Variants in CDKL3 observed in about 807,000 individuals in gnomAD.
The protein encoded by CDKL3 is cyclin dependent kinase like 3.
Under a neutral mutation model 69.3 loss-of-function variants are expected in CDKL3, and 65 were observed. The observed-to-expected ratio is 0.94, with a 90% CI of 0.77 to 1.15. The LOEUF is 1.15. CDKL3 is among the 50% of genes most tolerant of loss of function. The pLI is 0.00. For missense variants in CDKL3, 652 were observed against 689.2 expected (o/e 0.95, Z 0.61); for synonymous variants, 202 against 221.6 (o/e 0.91, Z 0.79).
intron 4 of CDKL3, among the ~76,000 whole-genome samples, chr5:134,339,611 T>C (rs1749950718): frequency 6.6e-6 from 1 of 152,180 alleles, no homozygotes; most frequent in Non-Finnish European, 1.5e-5. Flanking sequence ...CAATAGAATA[T>C]ACATTTATAT....
downstream of CDKL3, among the ~76,000 whole-genome samples, chr5:134,297,861 A>AT: frequency 1.4e-5 from 2 of 146,638 alleles, no homozygotes; most frequent in African/African-American, 5.1e-5. Context: ...GATTACAGGC[A>AT]TGAGCCACTG....
rs561973158 is a variant in CDKL3 at position 134,344,391 on chromosome 5, A to C, written c.539+5858T>G. Among the ~76,000 whole-genome samples the C allele has an allele frequency of 7.2e-5, 11 of 152,354 alleles. No homozygotes were observed. In the South Asian group the frequency reaches 2.3e-3, roughly 32 times the overall value. On this transcript the variant is annotated intron_variant, in intron 4 of 12. Coordinates refer to ENST00000265334, the MANE Select transcript of CDKL3 (RefSeq NM_001113575.2). ...ATGGAAGAACATACTTGTAAATCAC[A>C]TATCTGATAAGGAATTTGTATCTAG... is the stretch of plus-strand genomic sequence containing the variant.
chr5:134,359,888 A>G lies in CDKL3; in HGVS notation c.360+9T>C, dbSNP rs188211099. ...CATCCTACAAATTGGCTTATTCTGA[A>G]GCACTTACATTATTACTGTGAAGAT... On this transcript the variant is annotated intron_variant, in intron 3 of 12. Transcript: ENST00000265334. 6.0e-5 allele frequency: 93 copies of G among 1,556,520 alleles called. No homozygotes were observed. The African/African-American group carries it at 1.2e-3, about 19-fold the overall frequency.
intron 2 of CDKL3, among the ~76,000 whole-genome samples, chr5:134,364,225 C>T (rs1274160620): frequency 2.0e-5 from 3 of 152,036 alleles, no homozygotes; most frequent in Non-Finnish European, 2.9e-5. Context: ...GTTAATGCTC[C>T]TTTCTCCACA....
intron 2 of CDKL3, among the ~76,000 whole-genome samples, chr5:134,361,221 T>G (rs1301685429): frequency 1.3e-5 from 2 of 152,118 alleles, no homozygotes; most frequent in African/African-American, 4.8e-5. Context: ...ATCAAGAATA[T>G]GTGTTCAATT....
At chr5:134,301,436 T>C (rs1766297268) in intron 12 of CDKL3, among the ~76,000 whole-genome samples, 1 of 152,200 alleles carries the variant, frequency 6.6e-6, no homozygotes, top group Non-Finnish European at 1.5e-5. Context: ...TAACCCTCTA[T>C]CCAAATATTA....
chr5:134,358,000 G>A lies in CDKL3; in HGVS notation c.360+1897C>T, dbSNP rs564449317. ...AGGCTGAGGCAGGAGGATCACTTGA[G>A]CCCAGAAGTTGGAGGCTGCAGTGAG... On this transcript the variant is annotated intron_variant, in intron 3 of 12. Transcript: ENST00000265334. Among the ~76,000 whole-genome samples, 3 of 152,298 alleles carry A rather than the reference G, an allele frequency of 2.0e-5. No homozygotes were observed. In the South Asian group the frequency reaches 6.2e-4, roughly 32 times the overall value.
At chr5:134,306,739 C>T (rs752446499) in intron 9 of CDKL3, 37 bp from the exon 10 acceptor site, 1 of 1,005,544 alleles carries the variant, frequency 9.9e-7, no homozygotes, top group Non-Finnish European at 1.5e-6. Flanking sequence ...TACTAAAACT[C>T]CCCAGAAATG....
At position 134,349,645 on chromosome 5, in the gene CDKL3, G is replaced by C. The variant is rs570524999; in HGVS notation, c.539+604C>G. ...GAAGAGGGAACTCTGCCGAGGGCAT[G>C]GCACAGCTTAAAGCAAATATAGATA... On this transcript the variant is annotated intron_variant, in intron 4 of 12. Coordinates refer to ENST00000265334, the MANE Select transcript of CDKL3 (RefSeq NM_001113575.2). Among the ~76,000 whole-genome samples, 5 of 152,334 alleles carry C rather than the reference G, an allele frequency of 3.3e-5. No homozygotes were observed. The South Asian group carries it at 1.0e-3, about 32-fold the overall frequency.
At chr5:134,320,589 A>G (rs1006413075) in intron 5 of CDKL3, among the ~76,000 whole-genome samples, 2 of 151,816 alleles carry the variant, frequency 1.3e-5, no homozygotes, top group Non-Finnish European at 2.9e-5. Context: ...AAAAAATTAA[A>G]ATTTAGCCGG....
chr5:134,355,235 G>GAAAAA (rs60153337), intron 3 of CDKL3, among the ~76,000 whole-genome samples: 1 of 74,460 alleles, frequency 1.3e-5, no homozygotes, highest in Admixed American at 1.5e-4. Context: ...TCTGTCTCAG[G>GAAAAA]AAAAAAAAAA....
intron 6 of CDKL3, among the ~76,000 whole-genome samples, chr5:134,315,178 T>C (rs377469613): frequency 6.6e-6 from 1 of 151,962 alleles, no homozygotes; most frequent in Admixed American, 6.6e-5. Context: ...CTATGATAAA[T>C]GTAGCATTCC....
downstream of CDKL3, among the ~76,000 whole-genome samples, chr5:134,285,906 G>A (rs571273501): frequency 3.7e-4 from 56 of 152,252 alleles, no homozygotes; most frequent in Non-Finnish European, 6.8e-4. Flanking sequence ...TGTGGATCAC[G>A]AGGTCAAGAG....
intron 4 of CDKL3, among the ~76,000 whole-genome samples, chr5:134,340,623 C>T (rs1750245887): frequency 6.6e-6 from 1 of 152,086 alleles, no homozygotes; most frequent in Admixed American, 6.5e-5. Flanking sequence ...AAATGAATAG[C>T]TTCCCAGAAA....
chr5:134,368,283 G>T (rs945478687), upstream of CDKL3, among the ~76,000 whole-genome samples: 1 of 152,172 alleles, frequency 6.6e-6, no homozygotes, highest in Non-Finnish European at 1.5e-5. Flanking sequence ...AGTGGTCATC[G>T]TTTTCATTGA....
At chr5:134,367,317 C>G (rs1375802165), upstream of CDKL3, 1 of 982,642 alleles carries the variant, frequency 1.0e-6, no homozygotes, top group East Asian at 1.1e-4. Flanking sequence ...GCTGTCGCAG[C>G]TGAGCCTCCT....
chr5:134,312,384 G>A lies in CDKL3; in HGVS notation c.793-4C>T. On this transcript the variant is annotated splice_region_variant and splice_polypyrimidine_tract_variant and intron_variant, in intron 6 of 12. Transcript: ENST00000265334. The stretch of plus-strand genomic sequence containing the variant: ...CAGGATCAATTTGTAAACAAGCCTA[G>A]GAAAGGAAAAAGATTTTAATAAGTG... 1 of 1,557,492 alleles carries A rather than the reference G, an allele frequency of 6.4e-7. No individual in the cohort carries two copies.
intron 3 of CDKL3, among the ~76,000 whole-genome samples, chr5:134,357,956 G>A (rs1755025654): frequency 6.6e-6 from 1 of 152,170 alleles, no homozygotes; most frequent in Admixed American, 6.5e-5. Context: ...GCATGTGCCT[G>A]TAGTCCTAGC....
At chr5:134,297,638 A>G (rs1480056454), downstream of CDKL3, among the ~76,000 whole-genome samples, 1 of 150,852 alleles carries the variant, frequency 6.6e-6, no homozygotes, top group African/African-American at 2.4e-5. Flanking sequence ...CTGGAGTGCA[A>G]TGGCACGATC....
Sources: allele counts gnomAD v4.1 joint callset (sites outside exome capture counted in the v4.1 genomes callset), GRCh38; gene constraint gnomAD v4.1.1; transcripts MANE v1.5; gene names NCBI Gene and HGNC (gene_info 2026-07-23, HGNC 2026-07-21).